PAK5: variants seen among roughly 807,000 people sequenced by gnomAD.
PAK5 encodes serine/threonine-protein kinase PAK 5.
In PAK5, 16 loss-of-function variants were observed where a neutral mutation model predicts 65.9. That is an observed-to-expected ratio of 0.24 (90% CI 0.16 to 0.37). The LOEUF (loss-of-function observed/expected upper bound fraction) is 0.37, where lower values mean the gene tolerates loss of function less well. Ranked by LOEUF, PAK5 falls within the 10% of genes least tolerant of loss-of-function variation. The probability of loss-of-function intolerance (pLI) is 1.00; values close to 1 mark genes in which losing one functional copy is unlikely to be tolerated. For synonymous variants in PAK5, 371 were observed against 354.9 expected (o/e 1.05, Z -0.51); for missense variants, 785 against 903.9 (o/e 0.87, Z 1.69).
chr20:9,763,851 C>A (rs542179750), intron 1 of PAK5, among the ~76,000 whole-genome samples: 1 of 152,214 alleles, frequency 6.6e-6, no homozygotes, highest in African/African-American at 2.4e-5. Flanking sequence ...TTTATACGTA[C>A]ATATAATTAC....
At chr20:9,710,066 C>A (rs1273016962) in intron 2 of PAK5, among the ~76,000 whole-genome samples, 4 of 152,092 alleles carry the variant, frequency 2.6e-5, no homozygotes. Context: ...CTATGAATAA[C>A]CCAGTATAAA....
At chr20:9,827,994 G>A (rs1403851205) in intron 1 of PAK5, among the ~76,000 whole-genome samples, 2 of 152,118 alleles carry the variant, frequency 1.3e-5, no homozygotes, top group Non-Finnish European at 2.9e-5. Context: ...ACCATGCCCA[G>A]CTAATGTTTT....
chr20:9,627,684 T>C lies in PAK5; in HGVS notation c.204+16441A>G, dbSNP rs200827745. 2.6e-5 allele frequency among the ~76,000 whole-genome samples: 4 copies of C among 152,156 alleles called. No individual in the cohort carries two copies. The East Asian group carries it at 7.7e-4, about 29-fold the overall frequency. On this transcript the variant is annotated intron_variant, in intron 3 of 9. Transcript: ENST00000353224. ...CTCTGTCACTCAGGCTGGAGTGCAGTGGCACGATCTCTGCTTACTGCAACC... is the reference window on the plus strand; with the variant it reads ...CTCTGTCACTCAGGCTGGAGTGCAGCGGCACGATCTCTGCTTACTGCAACC...
chr20:9,739,750 T>C (rs1183158710), intron 1 of PAK5, among the ~76,000 whole-genome samples: 2 of 152,116 alleles, frequency 1.3e-5, no homozygotes, highest in East Asian at 3.9e-4. Flanking sequence ...CAAGACTGAC[T>C]GGAGGATAGA....
intron 1 of PAK5, among the ~76,000 whole-genome samples, chr20:9,825,873 A>T (rs2049477917): frequency 2.6e-5 from 4 of 152,210 alleles, no homozygotes; most frequent in Admixed American, 2.6e-4. Context: ...ATATATGAGG[A>T]TAAAATGATC....
intron 3 of PAK5, among the ~76,000 whole-genome samples, chr20:9,589,491 A>C (rs1329457075): frequency 6.6e-6 from 1 of 152,202 alleles, no homozygotes; most frequent in Non-Finnish European, 1.5e-5. Flanking sequence ...TTTGGTAACA[A>C]CAGTGGTTGG....
In PAK5 at chr20:9,659,676, C is replaced by T. The variant is rs1159444982; in HGVS notation, c.-11-15337G>A. Among the ~76,000 whole-genome samples the T allele has an allele frequency of 3.9e-5, 6 of 152,234 alleles. No individual in the cohort carries two copies. The East Asian group carries it at 9.7e-4, about 24-fold the overall frequency. On this transcript the variant is annotated intron_variant, in intron 2 of 9. Transcript: ENST00000353224. ...TGTTACGAGTAAAGAATGGAATCTT[C>T]TGAGTAGTTAAATACTACAAAGTTG... is the stretch of plus-strand genomic sequence containing the variant.
chr20:9,814,688 T>C (rs1360943314), intron 1 of PAK5, among the ~76,000 whole-genome samples: 2 of 152,178 alleles, frequency 1.3e-5, no homozygotes, highest in African/African-American at 2.4e-5. Flanking sequence ...AAATTCTTAC[T>C]AAAGTATCTG....
chr20:9,643,050 C>G (rs1468950881), intron 3 of PAK5, among the ~76,000 whole-genome samples: 1 of 152,196 alleles, frequency 6.6e-6, no homozygotes, highest in Non-Finnish European at 1.5e-5. Context: ...ATCAGCTGTT[C>G]TCTTTCTTTG....
chr20:9,747,534 C>T (rs1326275309), intron 1 of PAK5, among the ~76,000 whole-genome samples: 26 of 151,100 alleles, frequency 1.7e-4, no homozygotes, highest in East Asian at 5.8e-4. Context: ...GTTCAATATA[C>T]GCAAATCAAT....
chr20:9,644,838 C>T (rs1243696333), intron 2 of PAK5, among the ~76,000 whole-genome samples: 1 of 152,180 alleles, frequency 6.6e-6, no homozygotes, highest in Admixed American at 6.5e-5. Flanking sequence ...CCACGGCTGA[C>T]TCGCAAATGA....
chr20:9,726,180 G>A (rs2048275185), intron 1 of PAK5, among the ~76,000 whole-genome samples: 1 of 152,008 alleles, frequency 6.6e-6, no homozygotes, highest in Non-Finnish European at 1.5e-5. Flanking sequence ...TTGGTTATTT[G>A]TCATAAATAA....
chr20:9,554,306 C>T (rs1334595392), intron 7 of PAK5, among the ~76,000 whole-genome samples: 1 of 152,178 alleles, frequency 6.6e-6, no homozygotes, highest in Non-Finnish European at 1.5e-5. Flanking sequence ...TATAAAAATG[C>T]CATGCACTTC....
chr20:9,564,627 A>T (rs2045643716), intron 5 of PAK5, among the ~76,000 whole-genome samples: 1 of 152,176 alleles, frequency 6.6e-6, no homozygotes, highest in Non-Finnish European at 1.5e-5. Flanking sequence ...AGAAATTAAC[A>T]CTGTATATCA....
At chr20:9,681,050 G>A (rs2050109) in intron 2 of PAK5, among the ~76,000 whole-genome samples, 10,434 of 152,026 alleles carry the variant, frequency 0.069, 1,172 homozygotes, top group African/African-American at 0.24. Flanking sequence ...CAATTTTTGC[G>A]TCTATGTTGA....
chr20:9,698,137 T>C (rs2047893415), intron 2 of PAK5, among the ~76,000 whole-genome samples: 2 of 152,064 alleles, frequency 1.3e-5, no homozygotes, highest in Admixed American at 1.3e-4. Flanking sequence ...GAATCCTCAA[T>C]ATAATGCTTA....
chr20:9,644,392 AC>A, intron 2 of PAK5, 53 bp from the exon 3 acceptor site: 1 of 1,173,356 alleles, frequency 8.5e-7, no homozygotes, highest in Non-Finnish European at 1.3e-6. Flanking sequence ...CCAGCAGAAG[AC>A]CAGGAGAAAG....
intron 1 of PAK5, among the ~76,000 whole-genome samples, chr20:9,785,539 T>C (rs1205698828): frequency 1.3e-5 from 2 of 152,178 alleles, no homozygotes; most frequent in Admixed American, 6.6e-5. Flanking sequence ...CTTGGAAAAT[T>C]ATCAAGTCTC....
intron 1 of PAK5, among the ~76,000 whole-genome samples, chr20:9,831,907 T>C (rs1179333149): frequency 6.6e-6 from 1 of 152,220 alleles, no homozygotes; most frequent in Non-Finnish European, 1.5e-5. Flanking sequence ...GTTCTGTTTT[T>C]TTAAATATAC....
Sources: allele counts gnomAD v4.1 joint callset (sites outside exome capture counted in the v4.1 genomes callset), GRCh38; gene constraint gnomAD v4.1.1; transcripts MANE v1.5; gene names NCBI Gene and HGNC (gene_info 2026-07-23, HGNC 2026-07-21).